The following HPSE2 variants were observed in gnomAD, a reference collection of about 807,000 sequenced individuals.
HPSE2 encodes the protein inactive heparanase-2.
HPSE2 carries 38 observed loss-of-function variants against 60.5 expected under a neutral mutation model. That is an observed-to-expected ratio of 0.63 (90% CI 0.48 to 0.82). The LOEUF (loss-of-function observed/expected upper bound fraction) is 0.82. Ranked by LOEUF, HPSE2 falls within the 40% of genes least tolerant of loss-of-function variation. The pLI is 0.00. For missense variants in HPSE2, 713 were observed against 740.4 expected, an observed-to-expected ratio of 0.96 and a Z score of 0.43; for synonymous variants, 295 against 293.2, an observed-to-expected ratio of 1.01 and a Z score of -0.06.
chr10:98,866,725 T>C (rs1229998484), intron 3 of HPSE2, among the ~76,000 whole-genome samples: 3 of 151,714 alleles, frequency 2.0e-5, no homozygotes, highest in East Asian at 1.9e-4. Context: ...ACTTAAAGAA[T>C]AAAACAAACA....
chr10:98,834,522 T>C (rs889762904), intron 3 of HPSE2, among the ~76,000 whole-genome samples: 1 of 152,050 alleles, frequency 6.6e-6, no homozygotes, highest in African/African-American at 2.4e-5. Context: ...ATCCAATGAA[T>C]TAATGCATTT....
chr10:98,599,906 G>A (rs1220540930), intron 9 of HPSE2, among the ~76,000 whole-genome samples: 1 of 152,068 alleles, frequency 6.6e-6, no homozygotes, highest in Admixed American at 6.6e-5. Context: ...TTCTTTTTTG[G>A]CTAATTTTAA....
At chr10:98,523,426 G>A (rs1393692185) in intron 9 of HPSE2, among the ~76,000 whole-genome samples, 1 of 152,202 alleles carries the variant, frequency 6.6e-6, no homozygotes, top group Non-Finnish European at 1.5e-5. Context: ...CAGAAACCCA[G>A]TATGAAATAG....
At chr10:98,777,705 T>C (rs1950371614) in intron 3 of HPSE2, among the ~76,000 whole-genome samples, 2 of 152,186 alleles carry the variant, frequency 1.3e-5, no homozygotes, top group Admixed American at 1.3e-4. Flanking sequence ...TAAAAATTCT[T>C]ATTGCATTTA....
At chr10:99,132,191 AAG>A (rs781059893) in intron 3 of HPSE2, among the ~76,000 whole-genome samples, 27 of 71,896 alleles carry the variant, frequency 3.8e-4, no homozygotes, top group African/African-American at 1.7e-3. Context: ...GAAAGAAAGA[AAG>A]AGAGAGAGAG....
chr10:98,862,587 G>A (rs532949005), intron 3 of HPSE2, among the ~76,000 whole-genome samples: 1 of 152,190 alleles, frequency 6.6e-6, no homozygotes, highest in East Asian at 1.9e-4. Flanking sequence ...CATGCTTTTG[G>A]GAGAGTGATC....
chr10:98,612,053 C>T (rs1213335920), intron 9 of HPSE2, among the ~76,000 whole-genome samples: 1 of 152,194 alleles, frequency 6.6e-6, no homozygotes, highest in African/African-American at 2.4e-5. Flanking sequence ...CATGGCCATG[C>T]AAAGGTCCAA....
Position 98,696,305 on chromosome 10 carries a change from A to C in HPSE2, c.957-2358T>G, listed in dbSNP as rs1257556490. ...CAGAGGCTCCCATAAAAAAAAAAAA[A>C]AAAAAAAAAAAAACCATAATAGCGA... On this transcript the variant is annotated intron_variant, in intron 5 of 11. Transcript: ENST00000370552. 1.8e-4 allele frequency among the ~76,000 whole-genome samples: 27 copies of C among 149,798 alleles called. 1 individual carries two copies. Among genetic ancestry groups the C allele is most frequent in the African/African-American group, 6.1e-4 (25 of 41,056 alleles).
At chr10:99,149,226 T>C (rs962981134) in intron 2 of HPSE2, among the ~76,000 whole-genome samples, 3 of 152,032 alleles carry the variant, frequency 2.0e-5, no homozygotes, top group African/African-American at 4.8e-5. Flanking sequence ...CAACAGAAGC[T>C]GTCAAATAAG....
Position 99,126,736 on chromosome 10 carries a change from A to G in HPSE2, c.610+17502T>C, listed in dbSNP as rs1845178113. ...CATAGCTACAACTAAGGACCCTGAC[A>G]CAGTCTAGTTTACTCCCCTGCCACC... On this transcript the variant is annotated intron_variant, in intron 3 of 11. Transcript: ENST00000370552. The surrounding 1 kb of genome is among the most constrained non-coding windows in gnomAD (Gnocchi z 4.0). 6.6e-6 allele frequency among the ~76,000 whole-genome samples: 1 copy of G among 152,180 alleles called. No individual in the cohort carries two copies. Among genetic ancestry groups the G allele is most frequent in the African/African-American group, 2.4e-5 (1 of 41,458 alleles).
chr10:99,300,125 T>C, the HPSE2 span, among the ~76,000 whole-genome samples: 739 of 151,684 alleles, frequency 4.9e-3, no homozygotes, highest in East Asian at 0.019. Context: ...GGAAATGTCA[T>C]GAGATCAGCA....
At chr10:99,271,695 C>G in the HPSE2 span, among the ~76,000 whole-genome samples, 1 of 152,164 alleles carries the variant, frequency 6.6e-6, no homozygotes, top group Non-Finnish European at 1.5e-5. Context: ...CAAAGCAAGG[C>G]TAAGCAAAAA....
At chr10:98,696,728 C>T (rs1040824138) in intron 5 of HPSE2, among the ~76,000 whole-genome samples, 5 of 152,188 alleles carry the variant, frequency 3.3e-5, no homozygotes, top group Admixed American at 2.0e-4. Context: ...CTTTGAGCTC[C>T]TTAGGGGAGG....
intron 6 of HPSE2, among the ~76,000 whole-genome samples, chr10:98,667,543 A>G (rs897466011): frequency 5.3e-5 from 8 of 152,196 alleles, no homozygotes; most frequent in African/African-American, 4.8e-5. Flanking sequence ...ATATTAGCAA[A>G]CCAAATTTAG....
At chr10:99,259,409 A>G in the HPSE2 span, among the ~76,000 whole-genome samples, 1 of 152,182 alleles carries the variant, frequency 6.6e-6, no homozygotes, top group Non-Finnish European at 1.5e-5. Context: ...ACTTGTATAC[A>G]GGATACATAA....
At chr10:99,153,777 G>T (rs1294752519) in intron 2 of HPSE2, among the ~76,000 whole-genome samples, 2 of 152,242 alleles carry the variant, frequency 1.3e-5, no homozygotes, top group Non-Finnish European at 2.9e-5. Flanking sequence ...GCTGAGAGAA[G>T]AAGGCTTCAG....
chr10:98,694,257 T>A (rs1948154039), intron 5 of HPSE2, among the ~76,000 whole-genome samples: 1 of 152,204 alleles, frequency 6.6e-6, no homozygotes, highest in African/African-American at 2.4e-5. Context: ...AATTTCCTCA[T>A]AACCAAAACT....
chr10:98,607,239 G>A (rs551991306), intron 9 of HPSE2, among the ~76,000 whole-genome samples: 1 of 152,124 alleles, frequency 6.6e-6, no homozygotes, highest in African/African-American at 2.4e-5. Flanking sequence ...CTTCAAGGAT[G>A]GCAAATCATG....
chr10:99,074,524 G>T (rs1842899211), intron 3 of HPSE2, among the ~76,000 whole-genome samples: 1 of 152,032 alleles, frequency 6.6e-6, no homozygotes, highest in Non-Finnish European at 1.5e-5. Flanking sequence ...TTCTTTTCTT[G>T]TAGTGTCTTT....
Sources: gnomAD v4.1 joint callset for allele counts (sites outside exome capture counted in the v4.1 genomes callset) on GRCh38, gnomAD v4.1.1 for gene constraint, Gnocchi (gnomAD v3.1) non-coding constraint, MANE v1.5 for transcripts, NCBI Gene and HGNC (gene_info 2026-07-23, HGNC 2026-07-21) for gene names.